The following ATAD2B variants were observed in gnomAD, a reference collection of about 807,000 sequenced individuals.
ATAD2B encodes the protein ATPase family AAA domain-containing protein 2B.
Under a neutral mutation model 167.6 loss-of-function variants are expected in ATAD2B, and 40 were observed. The observed-to-expected ratio is 0.24, with a 90% CI of 0.19 to 0.31. The LOEUF is 0.31. ATAD2B is among the 10% of genes least tolerant of loss of function. The pLI is 1.00. For synonymous variants in ATAD2B, 579 were observed against 596.5 expected (o/e 0.97, Z 0.43); for missense variants, 1,242 against 1,757.2 (o/e 0.71, Z 5.24).
the ATAD2B span, among the ~76,000 whole-genome samples, chr2:23,731,912 G>A: frequency 6.6e-6 from 1 of 151,796 alleles, no homozygotes; most frequent in Admixed American, 6.6e-5. Flanking sequence ...AGAAGTTTGA[G>A]GTTACAGTGA....
At chr2:23,758,139 G>A (rs1000132752) in intron 24 of ATAD2B, 38 bp from the exon 25 acceptor site, 3 of 1,430,660 alleles carry the variant, frequency 2.1e-6, no homozygotes, top group African/African-American at 2.9e-5. Flanking sequence ...TGTAGAACTT[G>A]GAATGCAATA....
intron 23 of ATAD2B, among the ~76,000 whole-genome samples, chr2:23,762,726 T>G (rs1676902624): frequency 6.6e-6 from 1 of 152,204 alleles, no homozygotes; most frequent in South Asian, 2.1e-4. Context: ...TAAACCCCAT[T>G]CCCGTGAACT....
intron 8 of ATAD2B, among the ~76,000 whole-genome samples, chr2:23,870,462 T>A (rs1345917413): frequency 6.6e-6 from 1 of 151,682 alleles, no homozygotes; most frequent in Non-Finnish European, 1.5e-5. Context: ...GTTTTTGTAC[T>A]TTTTGTAAAG....
chr2:23,811,519 TTC>T (rs146615150), intron 17 of ATAD2B: 3 of 152,296 alleles, frequency 2.0e-5, no homozygotes, highest in African/African-American at 7.2e-5. Flanking sequence ...TGTTGTTATG[TTC>T]TCACTCATAA....
the ATAD2B span, chr2:23,685,292 C>T: frequency 6.6e-6 from 1 of 151,890 alleles, no homozygotes; most frequent in Non-Finnish European, 1.5e-5. Context: ...TGCTTCATAC[C>T]TTTGCAAAGA....
intron 19 of ATAD2B, 129 bp downstream of exon 19, chr2:23,798,009 A>T: frequency 1.8e-6 from 1 of 565,166 alleles, no homozygotes; most frequent in Non-Finnish European, 3.0e-6. Flanking sequence ...TACAGCTAAT[A>T]GGCAGTTACA....
the ATAD2B span, among the ~76,000 whole-genome samples, chr2:23,713,869 C>T: frequency 2.6e-5 from 4 of 152,026 alleles, no homozygotes; most frequent in East Asian, 1.9e-4. Context: ...TTCCACATTT[C>T]GGGTATTATT....
chr2:23,792,131 C>T (rs1260636956), intron 19 of ATAD2B, among the ~76,000 whole-genome samples: 1 of 150,870 alleles, frequency 6.6e-6, no homozygotes, highest in Non-Finnish European at 1.5e-5. Flanking sequence ...GGTGCAATCT[C>T]GGCTCACTGC....
the ATAD2B span, among the ~76,000 whole-genome samples, chr2:23,721,033 G>A: frequency 1.1e-4 from 10 of 94,048 alleles, no homozygotes. Flanking sequence ...TGTAACACTG[G>A]GCCTGCACAG....
intron 1 of ATAD2B, among the ~76,000 whole-genome samples, chr2:23,918,578 T>C (rs1277023149): frequency 6.6e-6 from 1 of 152,206 alleles, no homozygotes; most frequent in Non-Finnish European, 1.5e-5. Flanking sequence ...ATTATTGTCC[T>C]ATATTTCATA....
chr2:23,691,960 G>A, the ATAD2B span: 1 of 1,391,324 alleles, frequency 7.2e-7, no homozygotes, highest in South Asian at 1.3e-5. Context: ...ACTGAGCGGG[G>A]AGGTCTGTGT....
At chr2:23,752,452 A>G (rs1431977795) in intron 27 of ATAD2B, among the ~76,000 whole-genome samples, 2 of 150,310 alleles carry the variant, frequency 1.3e-5, no homozygotes, top group East Asian at 3.9e-4. Context: ...ATTTCTATAT[A>G]TAAAATACAT....
At chr2:23,691,728 G>A in the ATAD2B span, 16 of 1,551,790 alleles carry the variant, frequency 1.0e-5, no homozygotes, top group South Asian at 1.2e-5. Flanking sequence ...TCGTCCTGTC[G>A]AACCTGCAGG....
At position 23,915,617 on chromosome 2, in the gene ATAD2B, C is replaced by G. The variant is rs62125930; in HGVS notation, c.216+10938G>C. ...TTTTTTTTTTTTTTTTTTTTTGAGA[C>G]AGTCTTGCTCTGTCGCCAGGCTAGA... On this transcript the variant is annotated intron_variant, in intron 1 of 27. Transcript: ENST00000238789. Among the ~76,000 whole-genome samples the G allele has an allele frequency of 1.9e-4, 17 of 91,382 alleles. 1 individual carries two copies. The highest frequency in any genetic ancestry group is 3.7e-4 in the South Asian group (1 of 2,690). The allele number at this position is 91,382 out of a possible 152,430, so 60.0% of individuals were successfully genotyped here.
chr2:23,911,220 T>TG (rs1171555989), intron 1 of ATAD2B, among the ~76,000 whole-genome samples: 2 of 145,376 alleles, frequency 1.4e-5, no homozygotes, highest in Admixed American at 7.0e-5. Flanking sequence ...AAACTCCGTC[T>TG]GGAAAAAAAA....
intron 19 of ATAD2B, among the ~76,000 whole-genome samples, chr2:23,793,413 T>C (rs1170971821): frequency 1.3e-5 from 2 of 152,196 alleles, no homozygotes; most frequent in Non-Finnish European, 2.9e-5. Context: ...ATTTGCTTCC[T>C]CCCTTAAGAG....
At chr2:23,907,041 C>T (rs1409190113) in intron 1 of ATAD2B, among the ~76,000 whole-genome samples, 1 of 150,908 alleles carries the variant, frequency 6.6e-6, no homozygotes, top group Admixed American at 6.6e-5. Context: ...GGAAGCATTC[C>T]CTTTGAAAAC....
chr2:23,911,171 A>T (rs1702244178), intron 1 of ATAD2B, among the ~76,000 whole-genome samples: 1 of 148,806 alleles, frequency 6.7e-6, no homozygotes, highest in Non-Finnish European at 1.5e-5. Context: ...CAGTGAGCCG[A>T]GATTGCACCA....
chr2:23,699,641 G>A, the ATAD2B span, among the ~76,000 whole-genome samples: 1 of 152,070 alleles, frequency 6.6e-6, no homozygotes, highest in African/African-American at 2.4e-5. Flanking sequence ...CTGCTGCTTT[G>A]TCCTGCACCC....
Sources: gnomAD v4.1 joint callset for allele counts (sites outside exome capture counted in the v4.1 genomes callset) on GRCh38, gnomAD v4.1.1 for gene constraint, MANE v1.5 for transcripts, NCBI Gene and HGNC (gene_info 2026-07-23, HGNC 2026-07-21) for gene names.